Variants in IL16 observed in about 807,000 individuals in gnomAD.
The protein encoded by IL16 is pro-interleukin-16.
IL16 carries 67 observed loss-of-function variants against 110.1 expected under a neutral mutation model. That is an observed-to-expected ratio of 0.61 (90% CI 0.50 to 0.75). The LOEUF (loss-of-function observed/expected upper bound fraction) is 0.75. IL16 is among the 30% of genes least tolerant of loss of function. The pLI is 0.00. For missense variants in IL16, 1,545 were observed against 1,655.0 expected, an observed-to-expected ratio of 0.93 and a Z score of 1.15; for synonymous variants, 689 against 662.9, an observed-to-expected ratio of 1.04 and a Z score of -0.61.
At chr15:81,223,428 G>C (rs760217195) in intron 1 of IL16, among the ~76,000 whole-genome samples, 49 of 152,222 alleles carry the variant, frequency 3.2e-4, no homozygotes, top group Non-Finnish European at 5.6e-4. Flanking sequence ...CAGAGGAAGA[G>C]ACTGAGGCTA....
chr15:81,303,778 G>A lies in IL16; in HGVS notation c.3420+128G>A. The A allele has an allele frequency of 1.5e-6, 1 of 677,844 alleles. No homozygotes were observed. The allele number at this position is 677,844 out of a possible 1,614,324, so 42.0% of individuals were successfully genotyped here. A position where few individuals can be genotyped will look rare whatever the true frequency, so the allele number is the denominator to read the frequency against. ...TGCATGACACTAGGCCACTGGGCAG[G>A]TCCTGTCCACTCAGCACATCCCAGA... On this transcript the variant is annotated intron_variant, in intron 16 of 18. Coordinates refer to ENST00000683961, the MANE Select transcript of IL16 (RefSeq NM_172217.5). The surrounding 1 kb of genome is among the most constrained non-coding windows in gnomAD (Gnocchi z 4.1).
chr15:81,301,365 T>C lies in IL16; in HGVS notation c.3171T>C (p.Tyr1057=), dbSNP rs769432616. ...FSLNLSELRE[Y]TEGLTEAKED... Reference sequence around the variant, plus strand: ...AAAGCCTTTCAGAGCTGAGAGAATATACAGAGGGTCTCACGGAAGCCAAGG... The same window carrying C: ...AAAGCCTTTCAGAGCTGAGAGAATACACAGAGGGTCTCACGGAAGCCAAGG... Residue 1057 remains tyrosine (Y), a synonymous_variant, in exon 15 of 19, where the codon TAT becomes TAC. Transcript: ENST00000683961. The C allele has an allele frequency of 5.0e-6, 8 of 1,612,088 alleles. No individual in the cohort carries two copies. The African/African-American group carries it at 6.7e-5, about 13-fold the overall frequency.
intron 1 of IL16, among the ~76,000 whole-genome samples, chr15:81,213,278 T>G (rs929407665): frequency 2.0e-5 from 3 of 152,228 alleles, no homozygotes; most frequent in Admixed American, 6.5e-5. Context: ...ATAACTTATT[T>G]GAAGTTATTG....
At chr15:81,199,028 A>ATATATATAT (rs1555411587) in intron 1 of IL16, among the ~76,000 whole-genome samples, 2 of 93,750 alleles carry the variant, frequency 2.1e-5, no homozygotes, top group African/African-American at 6.0e-5. Context: ...TCAAAAAAAA[A>ATATATATAT]AAATATATAT....
At chr15:81,291,259 C>T (rs149744666) in intron 11 of IL16, among the ~76,000 whole-genome samples, 4 of 152,318 alleles carry the variant, frequency 2.6e-5, no homozygotes, top group African/African-American at 9.6e-5. Flanking sequence ...TTTATTTCAG[C>T]TCTGGTTTAT....
intron 12 of IL16, among the ~76,000 whole-genome samples, chr15:81,293,301 G>A (rs1899828771): frequency 6.6e-6 from 1 of 152,182 alleles, no homozygotes; most frequent in African/African-American, 2.4e-5. Context: ...CCTTTCTTGT[G>A]TCATTTTTCA....
upstream of IL16, among the ~76,000 whole-genome samples, chr15:81,194,468 T>C (rs1355899026): frequency 6.6e-6 from 1 of 151,288 alleles, no homozygotes; most frequent in African/African-American, 2.4e-5. Context: ...GTAATTTTAA[T>C]TTTTAAAAAT....
intron 2 of IL16, among the ~76,000 whole-genome samples, chr15:81,235,269 A>G (rs57688280): frequency 0.15 from 23,002 of 152,178 alleles, 2,027 homozygotes; most frequent in Middle Eastern, 0.21. Flanking sequence ...TATTTGGCTT[A>G]CCATTCTGCA....
intron 1 of IL16, among the ~76,000 whole-genome samples, chr15:81,201,651 A>G (rs940845053): frequency 6.6e-6 from 1 of 152,112 alleles, no homozygotes; most frequent in Non-Finnish European, 1.5e-5. Flanking sequence ...CAAATTTATT[A>G]GCAATTTATT....
At chr15:81,192,839 A>G (rs1371103452), upstream of IL16, among the ~76,000 whole-genome samples, 1 of 152,206 alleles carries the variant, frequency 6.6e-6, no homozygotes, top group Non-Finnish European at 1.5e-5. Flanking sequence ...AAGCGGAAAG[A>G]AAGTGGGATA....
At chr15:81,221,221 G>T (rs1264845578) in intron 1 of IL16, among the ~76,000 whole-genome samples, 1 of 152,044 alleles carries the variant, frequency 6.6e-6, no homozygotes, top group Non-Finnish European at 1.5e-5. Flanking sequence ...TTTTCTGCTT[G>T]GAAGTAAAAC....
upstream of IL16, among the ~76,000 whole-genome samples, chr15:81,195,526 C>A (rs1895574897): frequency 6.6e-6 from 1 of 152,188 alleles, no homozygotes. Context: ...CCTGTGCCTG[C>A]TGACAAAGGC....
chr15:81,182,781 G>C (rs773069384), exon 1 of IL16: 1 of 908,044 alleles, frequency 1.1e-6, no homozygotes, highest in South Asian at 1.4e-5. Flanking sequence ...AGCTGCCATC[G>C]ATCCTCCCAT....
intron 2 of IL16, among the ~76,000 whole-genome samples, chr15:81,228,913 G>A (rs1318925100): frequency 6.6e-6 from 1 of 151,972 alleles, no homozygotes; most frequent in Non-Finnish European, 1.5e-5. Flanking sequence ...CCTGTTAAAT[G>A]GAGAAAGTTA....
intron 1 of IL16, among the ~76,000 whole-genome samples, chr15:81,204,874 G>A (rs1354519275): frequency 6.6e-6 from 1 of 152,132 alleles, no homozygotes. Flanking sequence ...TAATAGAATG[G>A]AGTTCAAGAT....
At position 81,306,599 on chromosome 15, in the gene IL16, G is replaced by A. The variant is rs17875537; in HGVS notation, c.3805+54G>A. The A allele has an allele frequency of 9.7e-3, 15,564 of 1,603,366 alleles. 769 individuals are homozygous for A. The African/African-American group carries it at 0.14, about 14-fold the overall frequency. ...CTCTCCAGTTGTGGGCATGTGGCCA[G>A]GCCCCCAAAAGGCTTCTGGGCACTT... On this transcript the variant is annotated intron_variant, in intron 18 of 18. Coordinates refer to ENST00000683961, the MANE Select transcript of IL16 (RefSeq NM_172217.5).
intron 4 of IL16, among the ~76,000 whole-genome samples, chr15:81,267,505 C>CACACACACACAG (rs1555420217): frequency 5.1e-5 from 7 of 136,316 alleles, no homozygotes; most frequent in Admixed American, 4.9e-4. Context: ...CACACACACA[C>CACACACACACAG]AGAGAGAGCG....
chr15:81,270,177 C>T (rs1183007113), intron 5 of IL16, among the ~76,000 whole-genome samples: 1 of 152,148 alleles, frequency 6.6e-6, no homozygotes, highest in Non-Finnish European at 1.5e-5. Flanking sequence ...GATGAAACAT[C>T]ATACTGATCT....
intron 5 of IL16, among the ~76,000 whole-genome samples, chr15:81,270,846 A>G (rs1020396346): frequency 6.6e-6 from 1 of 152,258 alleles, no homozygotes; most frequent in African/African-American, 2.4e-5. Context: ...ATCATTTGAT[A>G]TAGAAATCCT....
Sources: gnomAD v4.1 joint callset for allele counts (sites outside exome capture counted in the v4.1 genomes callset) on GRCh38, gnomAD v4.1.1 for gene constraint, Gnocchi (gnomAD v3.1) non-coding constraint, MANE v1.5 for transcripts, NCBI Gene and HGNC (gene_info 2026-07-23, HGNC 2026-07-21) for gene names.